The following RBMS3 variants were observed in gnomAD, a reference collection of about 807,000 sequenced individuals.
RBMS3 encodes RNA binding motif single stranded interacting protein 3, also known as RNA-binding motif, single-stranded-interacting protein 3.
A neutral mutation model predicts 66.8 loss-of-function variants in RBMS3; 27 were observed. The ratio of observed to expected loss-of-function variants is 0.40; its 90% CI spans 0.30 to 0.56. The LOEUF (loss-of-function observed/expected upper bound fraction) is 0.56, where lower values mean the gene tolerates loss of function less well. Among genes scored for constraint, RBMS3 ranks in the 20% least tolerant of loss-of-function variants. RBMS3 has a pLI of 0.40. For synonymous variants in RBMS3, 188 were observed against 183.0 expected, an observed-to-expected ratio of 1.03 and a Z score of -0.22; for missense variants, 513 against 549.5, an observed-to-expected ratio of 0.93 and a Z score of 0.66.
intron 1 of RBMS3, among the ~76,000 whole-genome samples, chr3:29,425,996 T>TA (rs2040944354): frequency 1.3e-5 from 2 of 152,184 alleles, no homozygotes; most frequent in Non-Finnish European, 2.9e-5. Flanking sequence ...TTCTAACAAT[T>TA]ATTGTTCATA....
chr3:29,824,583 T>A (rs1406050234), intron 6 of RBMS3, among the ~76,000 whole-genome samples: 1 of 152,224 alleles, frequency 6.6e-6, no homozygotes, highest in Non-Finnish European at 1.5e-5. Context: ...AGGTGAGTTA[T>A]GTTCACCAAT....
rs1698849730 is a variant in RBMS3 at position 29,991,166 on chromosome 3, AC to A, written c.1265del (p.Thr422AsnfsTer20). 4.3e-6 allele frequency: 7 copies of A among 1,614,058 alleles called. No individual in the cohort carries two copies. The highest frequency in any genetic ancestry group is 5.1e-6 in the Non-Finnish European group (6 of 1,180,032). On this transcript the variant is annotated frameshift_variant, in exon 14 of 15. Transcript: ENST00000383767. LOFTEE classifies it high-confidence loss of function. ...SGQQQQIAVD[T>X]SNEHAPAYSY... ...TCAGCAGCAACAGATAGCAGTGGAC[AC>A]ATCCAACGAACATGCACCTGCATAT...
At chr3:29,324,835 C>T (rs1212337841) in intron 1 of RBMS3, among the ~76,000 whole-genome samples, 1 of 152,018 alleles carries the variant, frequency 6.6e-6, no homozygotes, top group Non-Finnish European at 1.5e-5. Context: ...GCCTTTTCTT[C>T]TCTCCTTCCT....
At chr3:29,808,713 T>C (rs1332412394) in intron 6 of RBMS3, among the ~76,000 whole-genome samples, 2 of 151,972 alleles carry the variant, frequency 1.3e-5, no homozygotes, top group African/African-American at 4.8e-5. Flanking sequence ...ATATGCTTCA[T>C]CCTGTCACCT....
At chr3:29,433,759 A>G (rs1172433999) in intron 1 of RBMS3, among the ~76,000 whole-genome samples, 1 of 152,204 alleles carries the variant, frequency 6.6e-6, no homozygotes, top group Non-Finnish European at 1.5e-5. Flanking sequence ...ATATATATCT[A>G]TGAATTCTGG....
At chr3:29,501,963 T>C (rs1179960998) in intron 3 of RBMS3, among the ~76,000 whole-genome samples, 1 of 152,124 alleles carries the variant, frequency 6.6e-6, no homozygotes, top group East Asian at 1.9e-4. Context: ...TAACATACTC[T>C]GCAGCTCAGC....
chr3:29,389,981 GATTTT>G (rs756252440), intron 1 of RBMS3, among the ~76,000 whole-genome samples: 13 of 152,104 alleles, frequency 8.5e-5, no homozygotes, highest in Non-Finnish European at 1.8e-4. Context: ...ACTTTATTTA[GATTTT>G]ATATTTGTTT....
intron 3 of RBMS3, among the ~76,000 whole-genome samples, chr3:29,538,352 G>A (rs1201535501): frequency 2.0e-5 from 3 of 152,064 alleles, no homozygotes; most frequent in Non-Finnish European, 4.4e-5. Flanking sequence ...TGAAAAACTC[G>A]AACTAGAAAT....
intron 12 of RBMS3, among the ~76,000 whole-genome samples, chr3:29,950,057 CT>C (rs974860196): frequency 3.3e-5 from 5 of 151,778 alleles, no homozygotes; most frequent in Non-Finnish European, 7.4e-5. Context: ...CTATTTCCCC[CT>C]GGGTAACTGC....
chr3:29,484,981 C>A (rs181811784), intron 2 of RBMS3, among the ~76,000 whole-genome samples: 1 of 152,140 alleles, frequency 6.6e-6, no homozygotes, highest in Non-Finnish European at 1.5e-5. Flanking sequence ...AATTAATATA[C>A]ACAGTGGGTG....
chr3:29,822,501 C>A (rs909755717), intron 6 of RBMS3, among the ~76,000 whole-genome samples: 3 of 152,150 alleles, frequency 2.0e-5, no homozygotes, highest in Non-Finnish European at 2.9e-5. Context: ...AGTAATGTTT[C>A]TTCTAGCAAT....
intron 1 of RBMS3, among the ~76,000 whole-genome samples, chr3:29,309,628 G>A (rs111357994): frequency 0.059 from 8,984 of 151,338 alleles, 351 homozygotes; most frequent in South Asian, 0.095. Context: ...CGGTGGTGGC[G>A]GTGGTGAGAA....
chr3:29,522,521 A>G (rs2044900260), intron 3 of RBMS3, among the ~76,000 whole-genome samples: 2 of 152,076 alleles, frequency 1.3e-5, no homozygotes, highest in African/African-American at 4.8e-5. Flanking sequence ...GGATAGTGGA[A>G]GGAAGTGGGG....
At chr3:29,790,322 C>T (rs1230166523) in intron 6 of RBMS3, among the ~76,000 whole-genome samples, 1 of 152,108 alleles carries the variant, frequency 6.6e-6, no homozygotes, top group African/African-American at 2.4e-5. Flanking sequence ...CACATGATAT[C>T]ACTCAATTTT....
intron 1 of RBMS3, among the ~76,000 whole-genome samples, chr3:29,290,375 C>T (rs2032715584): frequency 6.6e-6 from 1 of 151,698 alleles, no homozygotes; most frequent in African/African-American, 2.4e-5. Context: ...TTCCGGGATA[C>T]TCAACAGATA....
chr3:29,607,023 A>G (rs187801499), intron 4 of RBMS3, among the ~76,000 whole-genome samples: 226 of 152,130 alleles, frequency 1.5e-3, no homozygotes, highest in Non-Finnish European at 2.6e-3. Context: ...TTTGCTTCAC[A>G]GTTTCACTAA....
intron 1 of RBMS3, among the ~76,000 whole-genome samples, chr3:29,297,550 C>G (rs1395165147): frequency 6.6e-6 from 1 of 151,808 alleles, no homozygotes; most frequent in Non-Finnish European, 1.5e-5. Flanking sequence ...GAGATTTGCT[C>G]TCAGTATTTC....
Position 29,293,901 on chromosome 3 carries a change from T to C in RBMS3, c.75+12145T>C, listed in dbSNP as rs950305551. On this transcript the variant is annotated intron_variant, in intron 1 of 14. Coordinates refer to ENST00000383767, the MANE Select transcript of RBMS3 (RefSeq NM_001003793.3). ...TTTCTTTTTTTTTTTAATTATTGCT[T>C]TTTATATGTTTCTCTCTTTTTTTTA... Among the ~76,000 whole-genome samples the C allele has an allele frequency of 5.3e-5, 8 of 151,672 alleles. 2 individuals carry two copies. The highest frequency in any genetic ancestry group is 2.0e-4 in the East Asian group (1 of 5,116).
At chr3:29,801,893 T>C (rs2057402690) in intron 6 of RBMS3, among the ~76,000 whole-genome samples, 1 of 152,262 alleles carries the variant, frequency 6.6e-6, no homozygotes, top group African/African-American at 2.4e-5. Context: ...CATTCATACC[T>C]ATATTTTGGG....
Sources: gnomAD v4.1 joint callset for allele counts (sites outside exome capture counted in the v4.1 genomes callset) on GRCh38, gnomAD v4.1.1 for gene constraint, MANE v1.5 for transcripts, NCBI Gene and HGNC (gene_info 2026-07-23, HGNC 2026-07-21) for gene names.